The following MFSD1 variants were observed in gnomAD, a reference collection of about 807,000 sequenced individuals.
MFSD1 encodes lysosomal dipeptide transporter MFSD1.
In MFSD1, 59 loss-of-function variants were observed where a neutral mutation model predicts 67.1. That is an observed-to-expected ratio of 0.88 (90% CI 0.71 to 1.09). The LOEUF is 1.09. Among genes scored for constraint, MFSD1 ranks in the 50% least tolerant of loss-of-function variants. MFSD1 has a pLI of 0.00. For synonymous variants in MFSD1, 213 were observed against 200.3 expected, an observed-to-expected ratio of 1.06 and a Z score of -0.54; for missense variants, 552 against 566.1, an observed-to-expected ratio of 0.97 and a Z score of 0.25.
In MFSD1 at chr3:158,828,305, A is replaced by G. The variant is rs74963905; in HGVS notation, c.1395-674A>G. Among the ~76,000 whole-genome samples, 171 of 152,336 alleles carry G rather than the reference A, an allele frequency of 1.1e-3. 1 individual carries two copies. The East Asian group carries it at 0.021, about 19-fold the overall frequency. ...TTTAAACATTTATTTGTAAATATATATACCATGTGATTGTAATTGTTGTGA... is the reference window on the plus strand; with the variant it reads ...TTTAAACATTTATTTGTAAATATATGTACCATGTGATTGTAATTGTTGTGA... On this transcript the variant is annotated intron_variant, in intron 15 of 15. Transcript: ENST00000415822.
At chr3:158,808,529 A>G (rs1729838890) in intron 5 of MFSD1, among the ~76,000 whole-genome samples, 1 of 152,204 alleles carries the variant, frequency 6.6e-6, no homozygotes, top group Non-Finnish European at 1.5e-5. Context: ...TTCACAAAGC[A>G]TGGACCACTT....
chr3:158,823,677 G>A, intron 12 of MFSD1, 152 bp downstream of exon 12: 4 of 687,686 alleles, frequency 5.8e-6, no homozygotes, highest in Admixed American at 2.2e-5. Context: ...ATCTATTTAA[G>A]ATACTGTTGT....
At chr3:158,812,128 G>T (rs191907406) in intron 6 of MFSD1, among the ~76,000 whole-genome samples, 1 of 152,160 alleles carries the variant, frequency 6.6e-6, no homozygotes. Context: ...AGAAAAATGA[G>T]AAGTGCACTG....
intron 3 of MFSD1, among the ~76,000 whole-genome samples, chr3:158,806,329 CAGG>C (rs146424906): frequency 0.011 from 1,665 of 152,222 alleles, 47 homozygotes; most frequent in African/African-American, 0.038. Flanking sequence ...GTCAGATTGG[CAGG>C]AGATGACAAG....
intron 13 of MFSD1, among the ~76,000 whole-genome samples, chr3:158,825,455 C>A (rs1730918391): frequency 6.6e-6 from 1 of 152,204 alleles, no homozygotes; most frequent in South Asian, 2.1e-4. Context: ...AATAGGCCTG[C>A]CCTATTATTT....
chr3:158,827,420 G>GTT (rs61485884), intron 15 of MFSD1, 83 bp downstream of exon 15: 17,637 of 470,782 alleles, frequency 0.037, 33 homozygotes, highest in South Asian at 0.045. Context: ...GGGCTTTGAA[G>GTT]TTTTTTTTTT....
chr3:158,806,960 A>G (rs1048663761), intron 3 of MFSD1, 80 bp from the exon 4 acceptor site: 7 of 1,195,374 alleles, frequency 5.9e-6, no homozygotes, highest in Non-Finnish European at 8.4e-6. Context: ...CTTTGTGATT[A>G]CTAATACTAA....
rs759767230 is a variant in MFSD1 at position 158,804,390 on chromosome 3, CTT to C, written c.216+20_216+21del. On this transcript the variant is annotated intron_variant, in intron 2 of 15. Coordinates refer to ENST00000415822, the MANE Select transcript of MFSD1 (RefSeq NM_022736.4). ...TAAACGAGTAAGTTGATTTTTCACTCTTGTTTCTTTTGTTTTCTTTAGAGCAA... is the reference window on the plus strand; with the variant it reads ...TAAACGAGTAAGTTGATTTTTCACTCGTTTCTTTTGTTTTCTTTAGAGCAA... 8 of 1,604,918 alleles carry C rather than the reference CTT, an allele frequency of 5.0e-6. No homozygotes were observed. Among genetic ancestry groups the C allele is most frequent in the Non-Finnish European group, 6.8e-6 (8 of 1,174,706 alleles).
chr3:158,802,384 C>T (rs1344324762), intron 1 of MFSD1, 69 bp downstream of exon 1: 2 of 1,575,968 alleles, frequency 1.3e-6, no homozygotes, highest in Non-Finnish European at 1.7e-6. Flanking sequence ...GGTAGATCGT[C>T]ATCGTGGTCA....
intron 5 of MFSD1, among the ~76,000 whole-genome samples, chr3:158,807,712 A>G (rs965745269): frequency 1.3e-5 from 2 of 152,210 alleles, no homozygotes; most frequent in African/African-American, 2.4e-5. Flanking sequence ...TATTTTTCCC[A>G]GGCATTTTGC....
rs539078302 is a variant in MFSD1, at chr3:158,824,006, A to G, written c.1176-118A>G. 5.6e-5 allele frequency: 44 copies of G among 781,740 alleles called. No individual in the cohort carries two copies. In the African/African-American group the frequency reaches 6.2e-4, roughly 11 times the overall value. The allele number at this position is 781,740 out of a possible 1,614,324, so 48.4% of individuals were successfully genotyped here. ...TCTAATCAAGTCATCCCTGGTGGAA[A>G]ACATCTCTGAACACAAATAGTATAT... On this transcript the variant is annotated intron_variant, in intron 12 of 15. Transcript: ENST00000415822.
rs148559446 is a variant in MFSD1, at chr3:158,806,587, T to G, written c.330-453T>G. On this transcript the variant is annotated intron_variant, in intron 3 of 15. Coordinates refer to ENST00000415822, the MANE Select transcript of MFSD1 (RefSeq NM_022736.4). Reference sequence around the variant, plus strand: ...TATAACATGGTTGGTGTTTGTCCTTTTAAAAATTGGTTTTAGTTATCAAGA... The same window carrying G: ...TATAACATGGTTGGTGTTTGTCCTTGTAAAAATTGGTTTTAGTTATCAAGA... Among the ~76,000 whole-genome samples, 186 of 152,342 alleles carry G rather than the reference T, an allele frequency of 1.2e-3. 1 individual carries two copies. In the Middle Eastern group the frequency reaches 0.014, roughly 11 times the overall value.
intron 14 of MFSD1, among the ~76,000 whole-genome samples, chr3:158,826,713 G>C (rs915004133): frequency 6.6e-6 from 1 of 150,380 alleles, no homozygotes; most frequent in Non-Finnish European, 1.5e-5. Context: ...TGTCACCCAG[G>C]CTGGAGTGCA....
At chr3:158,825,931 AAGCTT>A (rs1730942471) in intron 13 of MFSD1, 79 bp from the exon 14 acceptor site, 1 of 1,060,110 alleles carries the variant, frequency 9.4e-7, no homozygotes, top group Non-Finnish European at 1.5e-6. Context: ...GATTGTGTCT[AAGCTT>A]TGCTTTGTGA....
At chr3:158,824,058 G>A (rs756867746) in intron 12 of MFSD1, 66 bp from the exon 13 acceptor site, 29 of 1,038,084 alleles carry the variant, frequency 2.8e-5, no homozygotes, top group Non-Finnish European at 4.1e-5. Context: ...TATTTATAGT[G>A]AAGTGTTAGC....
At chr3:158,824,497 G>T in intron 13 of MFSD1, 1 of 377,046 alleles carries the variant, frequency 2.7e-6, no homozygotes, top group Non-Finnish European at 4.8e-6. Context: ...ACTTAAAGTG[G>T]AACAATTTGA....
rs191281392 is a variant in MFSD1, at chr3:158,808,688, T to C, written c.441-491T>C. 3.3e-5 allele frequency among the ~76,000 whole-genome samples: 5 copies of C among 152,248 alleles called. No individual in the cohort carries two copies. The East Asian group carries it at 9.7e-4, about 29-fold the overall frequency. On this transcript the variant is annotated intron_variant, in intron 5 of 15. Coordinates refer to ENST00000415822, the MANE Select transcript of MFSD1 (RefSeq NM_022736.4). ...TACCATTTCATTATGCTCATGGACTTTATGGGCAGGAATTCGGACAAAGTG... is the reference window on the plus strand; with the variant it reads ...TACCATTTCATTATGCTCATGGACTCTATGGGCAGGAATTCGGACAAAGTG...
Position 158,805,159 on chromosome 3 carries a change from T to C in MFSD1, c.217-203T>C, listed in dbSNP as rs73158369. Among the ~76,000 whole-genome samples, 286 of 152,274 alleles carry C rather than the reference T, an allele frequency of 1.9e-3. 1 individual carries two copies. Among genetic ancestry groups the C allele is most frequent in the Non-Finnish European group, 2.9e-3 (198 of 68,018 alleles). On this transcript the variant is annotated intron_variant, in intron 2 of 15. Coordinates refer to ENST00000415822, the MANE Select transcript of MFSD1 (RefSeq NM_022736.4). ...TCAAGAAGTTCCCAGGGTTCCCAGG[T>C]GTGACCATTTTCCTGGGCCAGGGGC...
At chr3:158,807,013 C>A in intron 3 of MFSD1, 27 bp from the exon 4 acceptor site, 2 of 1,571,076 alleles carry the variant, frequency 1.3e-6, no homozygotes, top group Admixed American at 1.9e-5. Context: ...TTCTTTTTCT[C>A]ATTCTCATTC....
Sources: allele counts gnomAD v4.1 joint callset (sites outside exome capture counted in the v4.1 genomes callset), GRCh38; gene constraint gnomAD v4.1.1; transcripts MANE v1.5; gene names NCBI Gene and HGNC (gene_info 2026-07-23, HGNC 2026-07-21).